GFRA1: variants seen among roughly 807,000 people sequenced by gnomAD.
GFRA1 encodes the protein GDNF family receptor alpha-1.
Under a neutral mutation model 51.6 loss-of-function variants are expected in GFRA1, and 16 were observed. The ratio of observed to expected loss-of-function variants is 0.31; its 90% CI spans 0.21 to 0.47. The LOEUF is 0.47. Among genes scored for constraint, GFRA1 ranks in the 20% least tolerant of loss-of-function variants. The probability of loss-of-function intolerance (pLI) is 1.00; values close to 1 mark genes in which losing one functional copy is unlikely to be tolerated. For synonymous variants in GFRA1, 270 were observed against 241.3 expected (o/e 1.12, Z -1.10); for missense variants, 530 against 594.3 (o/e 0.89, Z 1.13).
At chr10:116,193,798 C>T (rs893362201) in intron 5 of GFRA1, among the ~76,000 whole-genome samples, 1 of 151,888 alleles carries the variant, frequency 6.6e-6, no homozygotes, top group African/African-American at 2.4e-5. Context: ...TGGCTCATGC[C>T]TGTAATCCCA....
chr10:116,266,279 T>C (rs1243220319), intron 4 of GFRA1, among the ~76,000 whole-genome samples: 1 of 152,162 alleles, frequency 6.6e-6, no homozygotes, highest in Non-Finnish European at 1.5e-5. Flanking sequence ...TGGAAAGTGA[T>C]TGCTACCATA....
chr10:116,076,325 C>T (rs1323303453), intron 9 of GFRA1, among the ~76,000 whole-genome samples: 1 of 152,110 alleles, frequency 6.6e-6, no homozygotes, highest in Non-Finnish European at 1.5e-5. Context: ...ATCCAAATGG[C>T]AGGCACGGAC....
At chr10:116,118,765 T>C (rs572206701) in intron 6 of GFRA1, among the ~76,000 whole-genome samples, 1 of 152,330 alleles carries the variant, frequency 6.6e-6, no homozygotes, top group South Asian at 2.1e-4. Context: ...GAGTCCCTGC[T>C]TTTTTCTCTC....
intron 4 of GFRA1, among the ~76,000 whole-genome samples, chr10:116,225,741 C>G (rs1458808442): frequency 1.3e-5 from 2 of 151,560 alleles, no homozygotes; most frequent in Non-Finnish European, 2.9e-5. Context: ...AGGCGCCCAC[C>G]ACCACACCCA....
At chr10:116,091,888 C>T (rs1180727463) in intron 8 of GFRA1, among the ~76,000 whole-genome samples, 1 of 152,100 alleles carries the variant, frequency 6.6e-6, no homozygotes, top group East Asian at 1.9e-4. Context: ...ATTGAAAAGT[C>T]ATTAACAATG....
chr10:116,206,533 A>T (rs1964770570), intron 5 of GFRA1, among the ~76,000 whole-genome samples: 1 of 151,666 alleles, frequency 6.6e-6, no homozygotes, highest in South Asian at 2.1e-4. Context: ...AATGCCATCC[A>T]TTGTGGATTC....
At chr10:116,076,153 T>TAACA (rs1487464078) in intron 9 of GFRA1, among the ~76,000 whole-genome samples, 2 of 151,842 alleles carry the variant, frequency 1.3e-5, no homozygotes, top group African/African-American at 4.9e-5. Context: ...TACATAGTAC[T>TAACA]AACATAGTAC....
intron 5 of GFRA1, among the ~76,000 whole-genome samples, chr10:116,194,562 T>C (rs1051463767): frequency 3.3e-5 from 5 of 152,232 alleles, no homozygotes; most frequent in Non-Finnish European, 7.3e-5. Flanking sequence ...TTAAGTATTC[T>C]GGTTGATACA....
chr10:116,144,540 TATC>T (rs1264383237), intron 5 of GFRA1, among the ~76,000 whole-genome samples: 1 of 152,060 alleles, frequency 6.6e-6, no homozygotes, highest in African/African-American at 2.4e-5. Flanking sequence ...ATGATATAGA[TATC>T]ATAATATAAT....
chr10:116,102,094 G>A (rs961873364), intron 6 of GFRA1, among the ~76,000 whole-genome samples: 15 of 152,152 alleles, frequency 9.9e-5, no homozygotes, highest in African/African-American at 3.6e-4. Flanking sequence ...GACAGCTGAG[G>A]GCCAAAGAGA....
At chr10:116,094,753 T>C (rs904443993) in intron 7 of GFRA1, among the ~76,000 whole-genome samples, 1 of 152,236 alleles carries the variant, frequency 6.6e-6, no homozygotes, top group Non-Finnish European at 1.5e-5. Flanking sequence ...GTCTTTGCCC[T>C]ATATTCTTTA....
intron 9 of GFRA1, among the ~76,000 whole-genome samples, chr10:116,081,227 A>G (rs926364021): frequency 6.6e-6 from 1 of 152,194 alleles, no homozygotes; most frequent in Non-Finnish European, 1.5e-5. Flanking sequence ...CATCTGAAGC[A>G]AGGGCCGTCT....
At chr10:116,202,664 A>C (rs570536576) in intron 5 of GFRA1, among the ~76,000 whole-genome samples, 1 of 152,264 alleles carries the variant, frequency 6.6e-6, no homozygotes, top group East Asian at 1.9e-4. Flanking sequence ...CAGGAGAGAG[A>C]GAGAGCTAAG....
intron 4 of GFRA1, among the ~76,000 whole-genome samples, chr10:116,266,391 A>G (rs1969660538): frequency 6.6e-6 from 1 of 152,238 alleles, no homozygotes; most frequent in Non-Finnish European, 1.5e-5. Context: ...GAAAAGCAAC[A>G]TTTATCATCC....
At chr10:116,216,252 G>A (rs987075928) in intron 4 of GFRA1, among the ~76,000 whole-genome samples, 11 of 152,120 alleles carry the variant, frequency 7.2e-5, no homozygotes, top group South Asian at 4.1e-4. Flanking sequence ...TGTTTACCTC[G>A]ATTAAAAATG....
chr10:116,233,389 A>G (rs781436628), intron 4 of GFRA1, among the ~76,000 whole-genome samples: 3 of 152,158 alleles, frequency 2.0e-5, no homozygotes, highest in Non-Finnish European at 2.9e-5. Flanking sequence ...GGAAATGTGT[A>G]AGCATATTAA....
intron 9 of GFRA1, among the ~76,000 whole-genome samples, chr10:116,083,054 T>A (rs921629056): frequency 1.3e-5 from 2 of 152,184 alleles, no homozygotes; most frequent in African/African-American, 4.8e-5. Flanking sequence ...ACAGCAGAGA[T>A]TCAGGGTAAA....
chr10:116,142,275 C>T (rs1958604613), intron 5 of GFRA1, among the ~76,000 whole-genome samples: 1 of 152,168 alleles, frequency 6.6e-6, no homozygotes, highest in Non-Finnish European at 1.5e-5. Flanking sequence ...GTTTTGCCTG[C>T]AGTCCTTGAA....
intron 5 of GFRA1, among the ~76,000 whole-genome samples, chr10:116,179,691 T>G (rs767297964): frequency 2.7e-4 from 41 of 152,040 alleles, no homozygotes; most frequent in Non-Finnish European, 5.4e-4. Context: ...ATAAATGAGT[T>G]TTTGATAGGA....
Sources: gnomAD v4.1 joint callset for allele counts (sites outside exome capture counted in the v4.1 genomes callset) on GRCh38, gnomAD v4.1.1 for gene constraint, MANE v1.5 for transcripts, NCBI Gene and HGNC (gene_info 2026-07-23, HGNC 2026-07-21) for gene names.